The following PPARG variants were observed in gnomAD, a reference collection of about 807,000 sequenced individuals.
PPARG encodes peroxisome proliferator activated receptor gamma, also known as peroxisome proliferator-activated receptor gamma.
PPARG carries 17 observed loss-of-function variants against 39.2 expected under a neutral mutation model. The ratio of observed to expected loss-of-function variants is 0.43; its 90% CI spans 0.30 to 0.65. The LOEUF is 0.65. Ranked by LOEUF, PPARG falls within the 30% of genes least tolerant of loss-of-function variation. PPARG has a pLI of 0.13. For synonymous variants in PPARG, 223 were observed against 215.7 expected (o/e 1.03, Z -0.30); for missense variants, 406 against 585.9 (o/e 0.69, Z 3.17).
chr3:12,372,094 C>G (rs1395413742), intron 2 of PPARG: 3 of 721,422 alleles, frequency 4.2e-6, no homozygotes, highest in Non-Finnish European at 7.8e-6. Flanking sequence ...TACAAAGGAC[C>G]TATGAAAGGC....
At chr3:12,346,783 T>C (rs1034948092) in intron 2 of PPARG, among the ~76,000 whole-genome samples, 1 of 151,702 alleles carries the variant, frequency 6.6e-6, no homozygotes, top group Non-Finnish European at 1.5e-5. Flanking sequence ...TACAGGTACA[T>C]GCCACCATGC....
At chr3:12,373,861 C>A (rs1400996445) in intron 2 of PPARG, among the ~76,000 whole-genome samples, 1 of 152,132 alleles carries the variant, frequency 6.6e-6, no homozygotes, top group East Asian at 1.9e-4. Flanking sequence ...GATGGTTTTA[C>A]AGAGAAAGTA....
chr3:12,337,093 G>A (rs1009296896), intron 2 of PPARG, among the ~76,000 whole-genome samples: 1 of 152,148 alleles, frequency 6.6e-6, no homozygotes, highest in Non-Finnish European at 1.5e-5. Context: ...AACAGATCAG[G>A]TCTAAATTAT....
At chr3:12,412,490 G>T (rs2050910811) in intron 6 of PPARG, among the ~76,000 whole-genome samples, 1 of 152,062 alleles carries the variant, frequency 6.6e-6, no homozygotes, top group South Asian at 2.1e-4. Flanking sequence ...ATTGAAAATT[G>T]AAATATATCA....
intron 2 of PPARG, among the ~76,000 whole-genome samples, chr3:12,325,908 C>T (rs1275095542): frequency 6.6e-6 from 1 of 151,762 alleles, no homozygotes; most frequent in East Asian, 1.9e-4. Context: ...AGTTTTCGGT[C>T]GTTCATTAGT....
intron 1 of PPARG, among the ~76,000 whole-genome samples, chr3:12,310,791 T>TAAAAA (rs761238501): frequency 5.2e-4 from 26 of 50,356 alleles, no homozygotes; most frequent in Non-Finnish European, 6.0e-4. Context: ...GCCTTAAATG[T>TAAAAA]AAAAAAAAAA....
At chr3:12,336,264 G>T (rs1187592512) in intron 2 of PPARG, among the ~76,000 whole-genome samples, 3 of 152,170 alleles carry the variant, frequency 2.0e-5, no homozygotes, top group Non-Finnish European at 4.4e-5. Flanking sequence ...AGATACATCA[G>T]ATTAATGCTG....
intron 2 of PPARG, among the ~76,000 whole-genome samples, chr3:12,334,742 GC>G (rs34034515): frequency 1.3e-5 from 2 of 151,992 alleles, no homozygotes; most frequent in East Asian, 1.9e-4. Context: ...TTTAGTCAAA[GC>G]CCCCCTGTCC....
intron 5 of PPARG, among the ~76,000 whole-genome samples, chr3:12,396,327 G>T (rs1204299033): frequency 2.0e-5 from 3 of 152,014 alleles, no homozygotes. Flanking sequence ...TCACCATGTT[G>T]GCCAAGATGG....
intron 2 of PPARG, among the ~76,000 whole-genome samples, chr3:12,325,465 G>A (rs111506852): frequency 3.8e-4 from 57 of 151,972 alleles, no homozygotes; most frequent in African/African-American, 9.7e-4. Flanking sequence ...AGCCAGTGTC[G>A]TGGTGTGCAC....
chr3:12,340,258 A>G (rs769369175), intron 2 of PPARG, among the ~76,000 whole-genome samples: 6 of 152,242 alleles, frequency 3.9e-5, no homozygotes, highest in Non-Finnish European at 5.9e-5. Context: ...CCAAGTAACA[A>G]TTAAGCAATC....
chr3:12,429,587 G>T lies in PPARG; in HGVS notation c.1181-4311G>T, dbSNP rs916955164. On this transcript the variant is annotated intron_variant, in intron 7 of 7. Transcript: ENST00000651735. ...AAAAAAAAAAAAGAAGCAGGTGGAG[G>T]AAGGAGGAGCTGCAGAAAGGCTCCG... Among the ~76,000 whole-genome samples, 5 of 151,600 alleles carry T rather than the reference G, an allele frequency of 3.3e-5. No homozygotes were observed. The South Asian group carries it at 1.0e-3, about 32-fold the overall frequency.
At chr3:12,324,198 G>A (rs2047628219) in intron 2 of PPARG, among the ~76,000 whole-genome samples, 1 of 151,996 alleles carries the variant, frequency 6.6e-6, no homozygotes. Context: ...AAAATCTCTT[G>A]AACCCAGGAG....
At chr3:12,400,097 C>T (rs1267996422) in intron 5 of PPARG, among the ~76,000 whole-genome samples, 1 of 152,000 alleles carries the variant, frequency 6.6e-6, no homozygotes, top group African/African-American at 2.4e-5. Context: ...GACCATAAGA[C>T]ATAGCCTTAC....
intron 2 of PPARG, among the ~76,000 whole-genome samples, chr3:12,366,108 C>T (rs1186526558): frequency 2.0e-5 from 3 of 151,946 alleles, no homozygotes; most frequent in Non-Finnish European, 4.4e-5. Context: ...ATATAGGTTT[C>T]ATATATATTT....
chr3:12,324,746 A>G (rs2047644523), intron 2 of PPARG, among the ~76,000 whole-genome samples: 1 of 152,194 alleles, frequency 6.6e-6, no homozygotes, highest in Non-Finnish European at 1.5e-5. Context: ...ATATCTTCAT[A>G]GGTACAAAGA....
intron 1 of PPARG, among the ~76,000 whole-genome samples, chr3:12,295,198 T>G (rs2046748920): frequency 6.6e-6 from 1 of 152,204 alleles, no homozygotes; most frequent in Non-Finnish European, 1.5e-5. Context: ...CAGTTGATAA[T>G]TACCTGTGTA....
intron 2 of PPARG, among the ~76,000 whole-genome samples, chr3:12,319,284 A>G (rs184020483): frequency 6.6e-6 from 1 of 152,330 alleles, no homozygotes; most frequent in East Asian, 1.9e-4. Context: ...CCACTGGGGA[A>G]ATACCATGTT....
chr3:12,408,594 G>A (rs1699337), intron 6 of PPARG, among the ~76,000 whole-genome samples: 40,443 of 138,530 alleles, frequency 0.29, 6,661 homozygotes, highest in East Asian at 0.41. Context: ...TTTGAGGTGG[G>A]GTCTTGCTTT....
Sources: gnomAD v4.1 joint callset for allele counts (sites outside exome capture counted in the v4.1 genomes callset) on GRCh38, gnomAD v4.1.1 for gene constraint, MANE v1.5 for transcripts, NCBI Gene and HGNC (gene_info 2026-07-23, HGNC 2026-07-21) for gene names.